PCDH11X: variants seen among roughly 807,000 people sequenced by gnomAD.
PCDH11X encodes protocadherin-11 X-linked.
A neutral mutation model predicts 53.3 loss-of-function variants in PCDH11X; 18 were observed. The ratio of observed to expected loss-of-function variants is 0.34; its 90% CI spans 0.23 to 0.50. The LOEUF (loss-of-function observed/expected upper bound fraction) is 0.50. Among genes scored for constraint, PCDH11X ranks in the 20% least tolerant of loss-of-function variants. The probability of loss-of-function intolerance (pLI) is 0.98; values close to 1 mark genes in which losing one functional copy is unlikely to be tolerated. For synonymous variants in PCDH11X, 279 were observed against 393.3 expected (o/e 0.71, Z 3.44); for missense variants, 570 against 1,032.4 (o/e 0.55, Z 6.14).
At chrX:92,207,810 A>G (rs1345533764) in intron 7 of PCDH11X, among the ~76,000 whole-genome samples, 1 of 111,896 alleles carries the variant, frequency 8.9e-6, no homozygotes, top group East Asian at 2.8e-4. Flanking sequence ...AAAAGGACAT[A>G]AAATAGTGCA....
At chrX:92,010,816 A>G (rs1187404513) in intron 6 of PCDH11X, among the ~76,000 whole-genome samples, 1 of 109,892 alleles carries the variant, frequency 9.1e-6, no homozygotes, top group Non-Finnish European at 1.9e-5. Context: ...TGTACAAATG[A>G]TCCCGTCACC....
At chrX:92,131,967 T>A (rs1309365595) in intron 6 of PCDH11X, among the ~76,000 whole-genome samples, 2 of 108,855 alleles carry the variant, frequency 1.8e-5, no homozygotes, top group Non-Finnish European at 3.8e-5. Flanking sequence ...ACTGGCTTTT[T>A]TAGCTTTTAA....
At chrX:92,402,878 T>C (rs1271384136) in intron 9 of PCDH11X, among the ~76,000 whole-genome samples, 3 of 111,970 alleles carry the variant, frequency 2.7e-5, no homozygotes, top group Admixed American at 9.5e-5. Flanking sequence ...AATTTCACAA[T>C]TGCTTCTTAG....
intron 7 of PCDH11X, among the ~76,000 whole-genome samples, chrX:92,262,647 C>T (rs112150487): frequency 9.0e-6 from 1 of 111,473 alleles, no homozygotes; most frequent in Non-Finnish European, 1.9e-5. Flanking sequence ...GTATAAACAT[C>T]TCTTATGTTT....
At chrX:92,573,423 A>G (rs1922439900) in intron 10 of PCDH11X, among the ~76,000 whole-genome samples, 1 of 111,043 alleles carries the variant, frequency 9.0e-6, no homozygotes, top group Admixed American at 9.7e-5. Context: ...TCAACTAAAA[A>G]CTGACAAACT....
chrX:92,017,867 TAA>T (rs751407665), intron 6 of PCDH11X, among the ~76,000 whole-genome samples: 9 of 97,932 alleles, frequency 9.2e-5, no homozygotes, highest in East Asian at 6.3e-4. Context: ...ACCTTCAGAT[TAA>T]AAAAAAAAAA....
intron 9 of PCDH11X, among the ~76,000 whole-genome samples, chrX:92,465,379 G>A (rs71202970): frequency 0.41 from 44,933 of 110,601 alleles, 7,223 homozygotes; most frequent in African/African-American, 0.6. Context: ...CTTTGAAAAT[G>A]TTTTCACTTC....
chrX:92,594,781 A>T (rs1404224343), intron 10 of PCDH11X, among the ~76,000 whole-genome samples: 1 of 108,105 alleles, frequency 9.3e-6, no homozygotes, highest in African/African-American at 3.4e-5. Flanking sequence ...AATTAATTAC[A>T]TAGACTGAAT....
At chrX:92,273,641 C>G (rs1223594859) in intron 8 of PCDH11X, among the ~76,000 whole-genome samples, 2 of 109,944 alleles carry the variant, frequency 1.8e-5, no homozygotes, top group Admixed American at 9.7e-5. Context: ...GGATTAGGGG[C>G]GGCGTGGGAA....
At chrX:91,847,831 C>A (rs1422505460) in intron 5 of PCDH11X, among the ~76,000 whole-genome samples, 4 of 111,873 alleles carry the variant, frequency 3.6e-5, no homozygotes, top group African/African-American at 1.3e-4. Context: ...ACAAAAAAAA[C>A]AGACATGGAA....
chrX:91,946,693 G>T (rs185379096), intron 6 of PCDH11X, among the ~76,000 whole-genome samples: 1,727 of 95,929 alleles, frequency 0.018, 39 homozygotes, highest in African/African-American at 0.062. Context: ...AAATTTAGCA[G>T]TAATTTGCAT....
intron 8 of PCDH11X, among the ~76,000 whole-genome samples, chrX:92,301,344 G>A (rs1306393669): frequency 9.4e-6 from 1 of 106,690 alleles, no homozygotes; most frequent in African/African-American, 3.4e-5. Context: ...GTTCTGCTGT[G>A]TTCTGGTTTG....
chrX:92,469,898 G>T (rs1228528300), intron 10 of PCDH11X, among the ~76,000 whole-genome samples: 1 of 108,783 alleles, frequency 9.2e-6, no homozygotes, highest in African/African-American at 3.3e-5. Flanking sequence ...CGTATTTTGT[G>T]GTTCCATATA....
At chrX:92,375,161 TATATA>T (rs200480768) in intron 8 of PCDH11X, among the ~76,000 whole-genome samples, 5 of 15,500 alleles carry the variant, frequency 3.2e-4, no homozygotes, top group Admixed American at 2.7e-3. Flanking sequence ...TATATATATA[TATATA>T]TTTTTTTTTT....
chrX:92,333,568 A>T (rs2069543505), intron 8 of PCDH11X, among the ~76,000 whole-genome samples: 1 of 111,605 alleles, frequency 9.0e-6, no homozygotes, highest in Non-Finnish European at 1.9e-5. Flanking sequence ...TATTGAAAGA[A>T]CTCACTTTTA....
intron 6 of PCDH11X, among the ~76,000 whole-genome samples, chrX:92,100,811 G>A (rs1360880339): frequency 4.5e-5 from 5 of 110,810 alleles, no homozygotes; most frequent in East Asian, 2.8e-4. Context: ...TGCTTCAAGC[G>A]GGATCAGGGG....
chrX:92,445,669 T>A (rs955866573), intron 9 of PCDH11X, among the ~76,000 whole-genome samples: 10 of 109,037 alleles, frequency 9.2e-5, no homozygotes. Context: ...TGTAAGTACT[T>A]AATGAAACTA....
At chrX:91,992,966 G>T (rs916403385) in intron 6 of PCDH11X, among the ~76,000 whole-genome samples, 1 of 110,959 alleles carries the variant, frequency 9.0e-6, no homozygotes, top group African/African-American at 3.3e-5. Context: ...AATAACCTAT[G>T]TTTTTGAATT....
Position 92,563,685 on chromosome X carries a change from C to G in PCDH11X, c.3368-54579C>G, listed in dbSNP as rs368323971. Among the ~76,000 whole-genome samples, 55 of 111,793 alleles carry G rather than the reference C, an allele frequency of 4.9e-4. 1 individual carries two copies. The highest frequency in any genetic ancestry group is 8.5e-4 in the East Asian group (3 of 3,537). The stretch of plus-strand genomic sequence containing the variant: ...AGATTTCATCAACACCAAACCTATC[C>G]TACATGAAATGCTAAAAGGTGTTCT... On this transcript the variant is annotated intron_variant, in intron 10 of 10. Transcript: ENST00000682573.
Sources: allele counts gnomAD v4.1 joint callset (sites outside exome capture counted in the v4.1 genomes callset), GRCh38; gene constraint gnomAD v4.1.1; transcripts MANE v1.5; gene names NCBI Gene and HGNC (gene_info 2026-07-23, HGNC 2026-07-21).